The following SLX4IP variants were observed in gnomAD, a reference collection of about 807,000 sequenced individuals.
SLX4IP encodes SLX4 interacting protein.
SLX4IP carries 34 observed loss-of-function variants against 32.9 expected under a neutral mutation model. That is an observed-to-expected ratio of 1.03 (90% confidence interval 0.79 to 1.38). The LOEUF (loss-of-function observed/expected upper bound fraction) is 1.38, where lower values mean the gene tolerates loss of function less well. SLX4IP is among the 40% of genes most tolerant of loss of function. The pLI, the probability that SLX4IP is intolerant of heterozygous loss-of-function variation, is 0.00. For synonymous variants in SLX4IP, 172 were observed against 171.7 expected, an observed-to-expected ratio of 1.00 and a Z score of -0.01; for missense variants, 444 against 479.0, an observed-to-expected ratio of 0.93 and a Z score of 0.68.
At chr20:10,606,138 A>C (rs1006923727) in intron 6 of SLX4IP, among the ~76,000 whole-genome samples, 1 of 152,204 alleles carries the variant, frequency 6.6e-6, no homozygotes, top group Non-Finnish European at 1.5e-5. Context: ...AAACTACAAA[A>C]TAATTTTGCA....
At chr20:10,518,319 C>T (rs1392649266) in intron 2 of SLX4IP, among the ~76,000 whole-genome samples, 1 of 152,194 alleles carries the variant, frequency 6.6e-6, no homozygotes, top group Non-Finnish European at 1.5e-5. Flanking sequence ...CCATTCTCCA[C>T]CCAGCACTAG....
At chr20:10,615,259 A>G (rs2067013172) in intron 6 of SLX4IP, among the ~76,000 whole-genome samples, 1 of 152,154 alleles carries the variant, frequency 6.6e-6, no homozygotes, top group African/African-American at 2.4e-5. Context: ...GCTTATGTCA[A>G]AGTCACCTTC....
At chr20:10,564,485 G>T (rs555580038) in intron 4 of SLX4IP, among the ~76,000 whole-genome samples, 6 of 152,198 alleles carry the variant, frequency 3.9e-5, no homozygotes, top group African/African-American at 1.4e-4. Context: ...TACATTTCCA[G>T]ATCCATATAT....
intron 2 of SLX4IP, among the ~76,000 whole-genome samples, chr20:10,521,005 A>G (rs2065897402): frequency 6.6e-6 from 1 of 152,118 alleles, no homozygotes; most frequent in African/African-American, 2.4e-5. Context: ...CAGTATATTT[A>G]ATTTTGACAC....
At chr20:10,467,470 A>G (rs974121951) in intron 2 of SLX4IP, among the ~76,000 whole-genome samples, 10 of 152,228 alleles carry the variant, frequency 6.6e-5, no homozygotes, top group African/African-American at 2.2e-4. Context: ...AAGTACCTCT[A>G]TATTTCTTCT....
At position 10,622,978 on chromosome 20, in the gene SLX4IP, T is replaced by A. The variant is rs774518259; in HGVS notation, c.826T>A (p.Cys276Ser). Reference protein sequence around the residue: ...GLLSRSPVCSCESASPCPKQS... With the variant: ...GLLSRSPVCSSESASPCPKQS... ...TCTAAGCAGGAGCCCCGTCTGTAGCTGTGAGTCAGCATCACCATGTCCAAA... is the reference window on the plus strand; with the variant it reads ...TCTAAGCAGGAGCCCCGTCTGTAGCAGTGAGTCAGCATCACCATGTCCAAA... Residue 276 changes from cysteine to serine, a missense_variant, in exon 8 of 8, where the codon TGT becomes AGT. Physicochemically the swap from Cys to Ser is moderately radical, Grantham distance 112. Coordinates refer to ENST00000334534, the MANE Select transcript of SLX4IP (RefSeq NM_001009608.3). 1.2e-6 allele frequency: 2 copies of A among 1,614,076 alleles called. No individual in the cohort carries two copies. Among genetic ancestry groups the A allele is most frequent in the African/African-American group, 2.7e-5 (2 of 74,920 alleles).
At position 10,445,377 on chromosome 20, in the gene SLX4IP, G is replaced by A. The variant is rs1294513661; in HGVS notation, c.-30+9924G>A. 6.9e-5 allele frequency among the ~76,000 whole-genome samples: 10 copies of A among 144,286 alleles called. No individual in the cohort carries two copies. The East Asian group carries it at 1.2e-3, about 18-fold the overall frequency. 94.7% of individuals were successfully genotyped at this position (144,286 alleles called of 152,430 possible). On this transcript the variant is annotated intron_variant, in intron 1 of 7. Transcript: ENST00000334534. The stretch of plus-strand genomic sequence containing the variant: ...GTTGCCCAGGCTGGAGTGCAATGGC[G>A]CGATCTTGGCTCACTGCAAACTCCA...
At chr20:10,574,691 T>G (rs1161690507) in intron 4 of SLX4IP, among the ~76,000 whole-genome samples, 5 of 152,172 alleles carry the variant, frequency 3.3e-5, no homozygotes, top group African/African-American at 4.8e-5. Context: ...AAGACTTTTT[T>G]TCTGAGATGG....
At chr20:10,614,382 G>A (rs180836815) in intron 6 of SLX4IP, among the ~76,000 whole-genome samples, 25 of 152,236 alleles carry the variant, frequency 1.6e-4, no homozygotes, top group African/African-American at 6.0e-4. Flanking sequence ...AAAAACAAGA[G>A]TTTGGTGGGA....
At chr20:10,508,050 G>C (rs989738220) in intron 2 of SLX4IP, among the ~76,000 whole-genome samples, 2 of 152,056 alleles carry the variant, frequency 1.3e-5, no homozygotes, top group Non-Finnish European at 2.9e-5. Context: ...TGCTAGAGGC[G>C]ATCATGCCTA....
intron 2 of SLX4IP, among the ~76,000 whole-genome samples, chr20:10,510,673 C>T (rs1158147787): frequency 2.6e-5 from 4 of 151,224 alleles, no homozygotes; most frequent in Non-Finnish European, 5.9e-5. Context: ...GGCGCAATCT[C>T]GGCTCACTGC....
intron 2 of SLX4IP, among the ~76,000 whole-genome samples, chr20:10,551,961 C>G (rs1284437900): frequency 6.6e-6 from 1 of 152,186 alleles, no homozygotes; most frequent in African/African-American, 2.4e-5. Context: ...TGACTGTAAT[C>G]TTCCAAGTGG....
rs766498296 is a variant in SLX4IP at position 10,598,715 on chromosome 20, G to GATAC, written c.280_283dup (p.Arg95HisfsTer13). On this transcript the variant is annotated frameshift_variant, in exon 5 of 8. Transcript: ENST00000334534. LOFTEE classifies it high-confidence loss of function. ...TCACAGCCTATTTCCTCAAGAGAGG[G>GATAC]ATACGCCTTCGCTGCATCAGGAGCA... 3.7e-6 allele frequency: 6 copies of GATAC among 1,614,150 alleles called. No individual in the cohort carries two copies. The highest frequency in any genetic ancestry group is 4.2e-6 in the Non-Finnish European group (5 of 1,180,002).
chr20:10,611,156 C>T (rs947131491), intron 6 of SLX4IP, among the ~76,000 whole-genome samples: 4 of 152,252 alleles, frequency 2.6e-5, no homozygotes, highest in Non-Finnish European at 5.9e-5. Flanking sequence ...TTATATGCCC[C>T]CCAAATAAGC....
chr20:10,580,256 C>G (rs574287257), intron 4 of SLX4IP, among the ~76,000 whole-genome samples: 35 of 152,060 alleles, frequency 2.3e-4, no homozygotes, highest in African/African-American at 8.4e-4. Context: ...AGGCTTGTCC[C>G]CCATCTCTCT....
In SLX4IP at chr20:10,622,797, A is replaced by G. The variant is rs1045252209; in HGVS notation, c.645A>G (p.Pro215=). The part of the protein sequence containing the change: ...RNDGQASSSP[P]SESMGQAKDS... ...ATGGTCAGGCTTCCTCCAGTCCCCC[A>G]TCAGAATCCATGGGACAAGCAAAGG... Residue 215 remains proline (P), a synonymous_variant, in exon 8 of 8, where the codon CCA becomes CCG. Transcript: ENST00000334534. 3 of 1,614,174 alleles carry G rather than the reference A, an allele frequency of 1.9e-6. No homozygotes were observed. The highest frequency in any genetic ancestry group is 2.5e-6 in the Non-Finnish European group (3 of 1,180,020).
At position 10,624,387 on chromosome 20, in the gene SLX4IP, G is replaced by T. The variant is rs984474710; in HGVS notation, c.*1008G>T. The T allele has an allele frequency of 1.3e-5, 2 of 152,146 alleles. No individual in the cohort carries two copies. Among genetic ancestry groups the T allele is most frequent in the African/African-American group, 4.8e-5 (2 of 41,436 alleles). The allele number at this position is 152,146 out of a possible 1,614,324, so 9.4% of individuals were successfully genotyped here. A position where few individuals can be genotyped will look rare whatever the true frequency, so the allele number is the denominator to read the frequency against. On this transcript the variant is annotated 3_prime_UTR_variant, in exon 8 of 8. Coordinates refer to ENST00000334534, the MANE Select transcript of SLX4IP (RefSeq NM_001009608.3). ...GCAGGCAGTTCAAATTTCAAGATGG[G>T]AGCCTTCCCTTTACAATGTCACCCA...
chr20:10,591,066 A>G (rs1316010899), intron 4 of SLX4IP, among the ~76,000 whole-genome samples: 1 of 152,154 alleles, frequency 6.6e-6, no homozygotes, highest in Non-Finnish European at 1.5e-5. Flanking sequence ...GAGTTTGAAA[A>G]TCACTGCTGT....
intron 2 of SLX4IP, among the ~76,000 whole-genome samples, chr20:10,521,747 C>T (rs2065902327): frequency 6.6e-6 from 1 of 152,202 alleles, no homozygotes. Context: ...TTCCTCACCA[C>T]ATCTCTCTTC....
Sources: allele counts gnomAD v4.1 joint callset (sites outside exome capture counted in the v4.1 genomes callset), GRCh38; gene constraint gnomAD v4.1.1; transcripts MANE v1.5; gene names NCBI Gene and HGNC (gene_info 2026-07-23, HGNC 2026-07-21).